CTNNA3: variants seen among roughly 807,000 people sequenced by gnomAD.
The protein encoded by CTNNA3 is catenin alpha-3.
A neutral mutation model predicts 95.7 loss-of-function variants in CTNNA3; 76 were observed. That is an observed-to-expected ratio of 0.79 (90% CI 0.66 to 0.96). The LOEUF (loss-of-function observed/expected upper bound fraction) is 0.96. CTNNA3 is among the 40% of genes least tolerant of loss of function. CTNNA3 has a pLI of 0.00. For synonymous variants in CTNNA3, 431 were observed against 374.4 expected, an observed-to-expected ratio of 1.15 and a Z score of -1.74; for missense variants, 1,191 against 1,089.8, an observed-to-expected ratio of 1.09 and a Z score of -1.31.
chr10:66,336,357 C>A (rs1364371903), intron 12 of CTNNA3, among the ~76,000 whole-genome samples: 1 of 152,090 alleles, frequency 6.6e-6, no homozygotes, highest in African/African-American at 2.4e-5. Flanking sequence ...GTGTTCCTAT[C>A]CGGCCATCTT....
At chr10:66,099,281 T>C (rs190378954) in intron 14 of CTNNA3, among the ~76,000 whole-genome samples, 1 of 152,260 alleles carries the variant, frequency 6.6e-6, no homozygotes, top group Admixed American at 6.5e-5. Flanking sequence ...CAATATCTTA[T>C]AGTATCTTCT....
intron 7 of CTNNA3, among the ~76,000 whole-genome samples, chr10:67,011,968 C>T (rs1050108329): frequency 6.6e-6 from 1 of 152,156 alleles, no homozygotes; most frequent in Non-Finnish European, 1.5e-5. Context: ...TTTTGACCAA[C>T]ATTACCTCCT....
At chr10:67,316,666 A>G (rs1841064079) in intron 5 of CTNNA3, among the ~76,000 whole-genome samples, 1 of 152,194 alleles carries the variant, frequency 6.6e-6, no homozygotes, top group African/African-American at 2.4e-5. Flanking sequence ...AATATAGCAT[A>G]AAGTATTTAA....
At chr10:66,023,902 C>A (rs914667700) in intron 15 of CTNNA3, among the ~76,000 whole-genome samples, 2 of 152,106 alleles carry the variant, frequency 1.3e-5, no homozygotes, top group Non-Finnish European at 2.9e-5. Context: ...AGAAAAATTT[C>A]TACACCCATA....
chr10:66,625,356 C>T (rs1267579463), intron 9 of CTNNA3, among the ~76,000 whole-genome samples: 1 of 151,936 alleles, frequency 6.6e-6, no homozygotes, highest in African/African-American at 2.4e-5. Context: ...AATGTTTGTT[C>T]CCTTCCTTCT....
intron 13 of CTNNA3, among the ~76,000 whole-genome samples, chr10:66,213,630 T>C (rs905231691): frequency 6.6e-6 from 1 of 152,178 alleles, no homozygotes; most frequent in Admixed American, 6.5e-5. Flanking sequence ...TTGACCTACC[T>C]TGGCCTCCTA....
rs182657690 is a variant in CTNNA3, at chr10:67,100,223, T to C, written c.1047+80094A>G. On this transcript the variant is annotated intron_variant, in intron 7 of 17. Coordinates refer to ENST00000433211, the MANE Select transcript of CTNNA3 (RefSeq NM_013266.4). ...TTCTTTCTTAAATATTTTAAATTCA[T>C]CTAAAGTGAACGACTATAAATAGAA... Among the ~76,000 whole-genome samples the C allele has an allele frequency of 1.1e-3, 166 of 151,820 alleles. 1 individual carries two copies. Among genetic ancestry groups the C allele is most frequent in the African/African-American group, 3.9e-3 (160 of 41,494 alleles).
intron 2 of CTNNA3, among the ~76,000 whole-genome samples, chr10:67,646,597 C>CA (rs1465260163): frequency 6.6e-6 from 1 of 151,922 alleles, no homozygotes; most frequent in Non-Finnish European, 1.5e-5. Flanking sequence ...ATCCATCTCA[C>CA]AAAAAAGATA....
chr10:67,049,922 T>C (rs1295646881), intron 7 of CTNNA3, among the ~76,000 whole-genome samples: 1 of 152,216 alleles, frequency 6.6e-6, no homozygotes, highest in African/African-American at 2.4e-5. Flanking sequence ...GTGTTTCACA[T>C]TTAGAAATCC....
intron 7 of CTNNA3, among the ~76,000 whole-genome samples, chr10:66,931,270 A>G (rs189640183): frequency 1.0e-3 from 155 of 151,902 alleles, no homozygotes; most frequent in Non-Finnish European, 1.6e-3. Context: ...CAAAACAGAG[A>G]AGAAATGGGA....
At chr10:67,002,845 TA>T (rs1481046602) in intron 7 of CTNNA3, among the ~76,000 whole-genome samples, 5 of 152,054 alleles carry the variant, frequency 3.3e-5, no homozygotes, top group African/African-American at 1.2e-4. Flanking sequence ...TTCATATAAA[TA>T]AAAAACAATT....
At chr10:67,692,117 G>T (rs1407548742) in intron 1 of CTNNA3, among the ~76,000 whole-genome samples, 3 of 149,614 alleles carry the variant, frequency 2.0e-5, no homozygotes, top group Non-Finnish European at 4.5e-5. Flanking sequence ...GGAGGGAGGT[G>T]GGGGGTCAGC....
rs77054233 is a variant in CTNNA3 at position 67,409,590 on chromosome 10, G to A, written c.579+112252C>T. On this transcript the variant is annotated intron_variant, in intron 5 of 17. Transcript: ENST00000433211. ...ACACACACTGGAGGCTGTTAGGGGT[G>A]GAGGTGGGGTAGGGGGAGGGAAAGC... 5.9e-5 allele frequency among the ~76,000 whole-genome samples: 9 copies of A among 152,124 alleles called. No homozygotes were observed. The East Asian group carries it at 1.7e-3, about 29-fold the overall frequency.
At chr10:66,257,965 C>A (rs1330639262) in intron 13 of CTNNA3, among the ~76,000 whole-genome samples, 1 of 152,096 alleles carries the variant, frequency 6.6e-6, no homozygotes, top group Non-Finnish European at 1.5e-5. Flanking sequence ...AATCAGATAG[C>A]CAATTTTTGT....
intron 10 of CTNNA3, among the ~76,000 whole-genome samples, chr10:66,525,737 C>A (rs140534934): frequency 1.3e-5 from 2 of 152,254 alleles, no homozygotes; most frequent in African/African-American, 4.8e-5. Context: ...CATAGCTGTG[C>A]AACTATCCAT....
At chr10:66,466,469 G>A (rs1305754806) in intron 11 of CTNNA3, among the ~76,000 whole-genome samples, 2 of 151,628 alleles carry the variant, frequency 1.3e-5, no homozygotes, top group African/African-American at 4.8e-5. Context: ...AATCCATAAC[G>A]TGACCTATAA....
At chr10:67,491,987 C>T in intron 5 of CTNNA3, among the ~76,000 whole-genome samples, 1 of 151,914 alleles carries the variant, frequency 6.6e-6, no homozygotes, top group Middle Eastern at 3.2e-3. Context: ...CATTAAGTAA[C>T]TGGATAAAAT....
At chr10:66,205,053 A>C (rs2087671973) in intron 13 of CTNNA3, among the ~76,000 whole-genome samples, 1 of 152,146 alleles carries the variant, frequency 6.6e-6, no homozygotes, top group Admixed American at 6.6e-5. Flanking sequence ...CAAGCTTACA[A>C]ACATGCTGAG....
intron 13 of CTNNA3, among the ~76,000 whole-genome samples, chr10:66,232,440 T>G (rs2089633133): frequency 6.6e-6 from 1 of 152,008 alleles, no homozygotes; most frequent in African/African-American, 2.4e-5. Context: ...AATTTAAAAT[T>G]TAAGTAAATT....
Sources: gnomAD v4.1 joint callset for allele counts (sites outside exome capture counted in the v4.1 genomes callset) on GRCh38, gnomAD v4.1.1 for gene constraint, MANE v1.5 for transcripts, NCBI Gene and HGNC (gene_info 2026-07-23, HGNC 2026-07-21) for gene names.